Variants in CLASP2 observed in about 807,000 individuals in gnomAD.
CLASP2 encodes the protein CLIP-associating protein 2.
CLASP2 carries 47 observed loss-of-function variants against 194.4 expected under a neutral mutation model. The observed-to-expected ratio is 0.24, with a 90% CI of 0.19 to 0.31. The LOEUF (loss-of-function observed/expected upper bound fraction) is 0.31. Ranked by LOEUF, CLASP2 falls within the 10% of genes least tolerant of loss-of-function variation. CLASP2 has a pLI of 1.00. For synonymous variants in CLASP2, 619 were observed against 633.5 expected (o/e 0.98, Z 0.34); for missense variants, 1,445 against 1,823.6 (o/e 0.79, Z 3.78).
chr3:33,538,586 A>T (rs2057806438), intron 33 of CLASP2, among the ~76,000 whole-genome samples: 1 of 152,214 alleles, frequency 6.6e-6, no homozygotes, highest in Non-Finnish European at 1.5e-5. Context: ...GAAAATCTAA[A>T]AGGAATTTGA....
At position 33,538,663 on chromosome 3, in the gene CLASP2, A is replaced by G. The variant is rs1186959226; in HGVS notation, c.3558+126T>C. ...GCCTGGTATGTGGTAGATACTCAGT[A>G]AATACTTGTAGAGTGACTGATCCCT... On this transcript the variant is annotated intron_variant, in intron 33 of 38. Coordinates refer to ENST00000682230, the MANE Select transcript of CLASP2 (RefSeq NM_001365631.1). 12 of 711,792 alleles carry G rather than the reference A, an allele frequency of 1.7e-5. No homozygotes were observed. The South Asian group carries it at 3.3e-4, about 20-fold the overall frequency. The allele number at this position is 711,792 out of a possible 1,614,324, so 44.1% of individuals were successfully genotyped here.
intron 7 of CLASP2, among the ~76,000 whole-genome samples, chr3:33,648,908 C>T (rs1196063740): frequency 6.6e-6 from 1 of 152,174 alleles, no homozygotes; most frequent in African/African-American, 2.4e-5. Flanking sequence ...CTTACCTCAT[C>T]CCCTAAAGTT....
At chr3:33,616,614 C>A (rs193058211) in intron 12 of CLASP2, among the ~76,000 whole-genome samples, 1 of 151,890 alleles carries the variant, frequency 6.6e-6, no homozygotes, top group Non-Finnish European at 1.5e-5. Flanking sequence ...CAGGAAATTT[C>A]CATAATCTAA....
chr3:33,517,155 AGAATGATCTAGG>A lies in CLASP2; in HGVS notation c.3795_3806del (p.Leu1266_Ser1269del). 4 of 1,612,420 alleles carry A rather than the reference AGAATGATCTAGG, an allele frequency of 2.5e-6. No homozygotes were observed. Among genetic ancestry groups the A allele is most frequent in the Non-Finnish European group, 3.4e-6 (4 of 1,179,440 alleles). ...CCTTCAACAACTCTGCAACTAGGTC[AGAATGATCTAGG>A]GAAAGATCTGTCAAAAGGACATGGT... is the stretch of plus-strand genomic sequence containing the variant. On this transcript the variant is annotated inframe_deletion, in exon 35 of 39. Coordinates refer to ENST00000682230, the MANE Select transcript of CLASP2 (RefSeq NM_001365631.1).
At chr3:33,677,256 T>A (rs2088864385) in intron 6 of CLASP2, among the ~76,000 whole-genome samples, 1 of 152,106 alleles carries the variant, frequency 6.6e-6, no homozygotes, top group African/African-American at 2.4e-5. Flanking sequence ...CATGCACATT[T>A]ATGTTTATTG....
intron 32 of CLASP2, among the ~76,000 whole-genome samples, chr3:33,542,189 T>A (rs1349511341): frequency 6.6e-6 from 1 of 152,120 alleles, no homozygotes; most frequent in Non-Finnish European, 1.5e-5. Context: ...GAAATCTAGC[T>A]CATGCTTGAA....
intron 6 of CLASP2, among the ~76,000 whole-genome samples, chr3:33,665,135 ATTT>A (rs1182270175): frequency 2.6e-5 from 4 of 151,916 alleles, no homozygotes; most frequent in Non-Finnish European, 4.4e-5. Flanking sequence ...AAAGGAGAGG[ATTT>A]CGGAGAGCTG....
chr3:33,664,615 A>G (rs1341920159), intron 6 of CLASP2, among the ~76,000 whole-genome samples: 1 of 152,186 alleles, frequency 6.6e-6, no homozygotes, highest in Admixed American at 6.5e-5. Flanking sequence ...AAACCTTAAC[A>G]TCACCTCCTA....
At chr3:33,649,400 T>A (rs373373581) in intron 7 of CLASP2, among the ~76,000 whole-genome samples, 1 of 152,222 alleles carries the variant, frequency 6.6e-6, no homozygotes, top group Non-Finnish European at 1.5e-5. Flanking sequence ...GCCCCTGTTA[T>A]ATCTTCAACA....
At chr3:33,663,259 C>T (rs1335633917) in intron 7 of CLASP2, among the ~76,000 whole-genome samples, 186 bp downstream of exon 7, 1 of 149,598 alleles carries the variant, frequency 6.7e-6, no homozygotes, top group Non-Finnish European at 1.5e-5. Context: ...ATTAAATTTC[C>T]ACTCACTCCA....
In CLASP2 at chr3:33,618,098, G is replaced by A. The variant is rs576932378; in HGVS notation, c.1317+1505C>T. ...CGAGCGGCTGGGATTACAGGCATGC[G>A]CCACCATGCCTGGCTAATTTTGTAT... On this transcript the variant is annotated intron_variant, in intron 12 of 38. Coordinates refer to ENST00000682230, the MANE Select transcript of CLASP2 (RefSeq NM_001365631.1). Among the ~76,000 whole-genome samples the A allele has an allele frequency of 5.9e-5, 9 of 151,400 alleles. No homozygotes were observed. In the South Asian group the frequency reaches 1.9e-3, roughly 32 times the overall value.
rs115182360 is a variant in CLASP2 at position 33,649,534 on chromosome 3, G to A, written c.716-4631C>T. On this transcript the variant is annotated intron_variant, in intron 7 of 38. Coordinates refer to ENST00000682230, the MANE Select transcript of CLASP2 (RefSeq NM_001365631.1). Reference sequence around the variant, plus strand: ...CAAACAATGATACACACTAAATAATGTACAAATTTTTATACGTAATAAAAG... The same window carrying A: ...CAAACAATGATACACACTAAATAATATACAAATTTTTATACGTAATAAAAG... Among the ~76,000 whole-genome samples the A allele has an allele frequency of 3.7e-3, 568 of 152,076 alleles. 2 individuals are homozygous for A. Among genetic ancestry groups the A allele is most frequent in the African/African-American group, 0.013 (540 of 41,454 alleles).
chr3:33,603,601 A>G (rs2072895168), intron 17 of CLASP2, among the ~76,000 whole-genome samples: 1 of 152,146 alleles, frequency 6.6e-6, no homozygotes, highest in Admixed American at 6.6e-5. Flanking sequence ...TCTGGTCTTC[A>G]GTTTTTCAGT....
intron 21 of CLASP2, among the ~76,000 whole-genome samples, chr3:33,585,131 A>G (rs1263105298): frequency 6.6e-6 from 1 of 152,212 alleles, no homozygotes; most frequent in Non-Finnish European, 1.5e-5. Flanking sequence ...TAAATGGTAA[A>G]TCATCTAAAA....
intron 30 of CLASP2, among the ~76,000 whole-genome samples, chr3:33,547,708 T>C (rs1054209123): frequency 1.3e-5 from 2 of 152,164 alleles, no homozygotes; most frequent in African/African-American, 2.4e-5. Flanking sequence ...GTGTGAAGAA[T>C]TGATATTAAT....
chr3:33,573,556 T>C, intron 24 of CLASP2: 2 of 636,790 alleles, frequency 3.1e-6, no homozygotes, highest in South Asian at 3.4e-5. Context: ...AAATAATCCT[T>C]AACTATGGGA....
intron 6 of CLASP2, among the ~76,000 whole-genome samples, chr3:33,665,697 A>T (rs1478398152): frequency 6.6e-6 from 1 of 152,224 alleles, no homozygotes; most frequent in Non-Finnish European, 1.5e-5. Flanking sequence ...TTATCTTTAA[A>T]GCAAACAAAA....
At chr3:33,608,447 A>C in intron 14 of CLASP2, 120 bp downstream of exon 14, 1 of 774,396 alleles carries the variant, frequency 1.3e-6, no homozygotes. Flanking sequence ...CTTTAAAGGA[A>C]AACCAGTACA....
chr3:33,559,232 T>C (rs2061418392), intron 29 of CLASP2, 75 bp downstream of exon 29: 3 of 977,892 alleles, frequency 3.1e-6, no homozygotes, highest in Non-Finnish European at 4.7e-6. Flanking sequence ...GTGACAGAAA[T>C]ACAAATATCA....
Sources: allele counts gnomAD v4.1 joint callset (sites outside exome capture counted in the v4.1 genomes callset), GRCh38; gene constraint gnomAD v4.1.1; transcripts MANE v1.5; gene names NCBI Gene and HGNC (gene_info 2026-07-23, HGNC 2026-07-21).